KLHL35: variants seen among roughly 807,000 people sequenced by gnomAD.
The protein encoded by KLHL35 is kelch-like protein 35.
Under a neutral mutation model 44.0 loss-of-function variants are expected in KLHL35, and 50 were observed. The ratio of observed to expected loss-of-function variants is 1.14; its 90% CI spans 0.91 to 1.44. The LOEUF (loss-of-function observed/expected upper bound fraction) is 1.44, where lower values mean the gene tolerates loss of function less well. KLHL35 is among the 40% of genes most tolerant of loss of function. KLHL35 has a pLI of 0.00. For synonymous variants in KLHL35, 470 were observed against 410.4 expected (o/e 1.15, Z -1.76); for missense variants, 1,049 against 887.8 (o/e 1.18, Z -2.31).
At chr11:75,431,197 C>T (rs1948534684) in intron 1 of KLHL35, among the ~76,000 whole-genome samples, 1 of 152,198 alleles carries the variant, frequency 6.6e-6, no homozygotes, top group African/African-American at 2.4e-5. Context: ...AATAACTCCA[C>T]CGCCCTCTGC....
rs1203961340 is a variant in KLHL35, at chr11:75,430,297, G to C, written c.333C>G (p.Tyr111Ter). Residue 111 changes from tyrosine (Y) to a stop codon, truncating the protein, a stop_gained, in exon 2 of 7, where the codon TAC becomes TAG. Transcript: ENST00000539798. LOFTEE classifies it high-confidence loss of function. ...CCGCGCGCAGCCGCACGCCCGCTCC[G>C]TACACGTAGTCGAGCACCACGGCCA... ...AALAVVLDYV[Y>*]GAGVRLRAED... 4.1e-6 allele frequency: 5 copies of C among 1,231,644 alleles called. No individual in the cohort carries two copies. Among genetic ancestry groups the C allele is most frequent in the Non-Finnish European group, 5.1e-6 (5 of 989,168 alleles). The allele number at this position is 1,231,644 out of a possible 1,614,324, so 76.3% of individuals were successfully genotyped here. A position where few individuals can be genotyped will look rare whatever the true frequency, so the allele number is the denominator to read the frequency against.
intron 1 of KLHL35, among the ~76,000 whole-genome samples, chr11:75,432,690 C>T (rs1392846506): frequency 6.6e-6 from 1 of 152,162 alleles, no homozygotes; most frequent in Non-Finnish European, 1.5e-5. Context: ...GCTGGGCACT[C>T]TGGACACACA....
rs908364676 is a variant in KLHL35 at position 75,426,626 on chromosome 11, T to TTGA, written c.1076_1078dup (p.Ile359dup). The TTGA allele has an allele frequency of 4.4e-6, 7 of 1,594,262 alleles. No individual in the cohort carries two copies. The African/African-American group carries it at 9.4e-5, about 21-fold the overall frequency. On this transcript the variant is annotated inframe_insertion, in exon 4 of 7. Transcript: ENST00000539798. Reference sequence around the variant, plus strand: ...GCTAAACATCCACACATCATGACTGTTGATGTGGCCTCCTAGGGAGAGAGA... The same window carrying TTGA: ...GCTAAACATCCACACATCATGACTGTTGATGATGTGGCCTCCTAGGGAGAGAGA...
At chr11:75,422,896 C>G in intron 6 of KLHL35, 128 bp from the exon 7 acceptor site, 1 of 824,980 alleles carries the variant, frequency 1.2e-6, no homozygotes, top group Non-Finnish European at 1.9e-6. Flanking sequence ...TGTAGAGAGG[C>G]AGGAAACTGG....
intron 2 of KLHL35, among the ~76,000 whole-genome samples, chr11:75,429,124 C>A (rs1162706578): frequency 6.6e-6 from 1 of 152,234 alleles, no homozygotes; most frequent in Non-Finnish European, 1.5e-5. Context: ...ATCCCCTCAT[C>A]CCTAATTCCA....
chr11:75,426,696 A>G, intron 3 of KLHL35, 58 bp from the exon 4 acceptor site: 1 of 1,215,600 alleles, frequency 8.2e-7, no homozygotes, highest in Non-Finnish European at 1.2e-6. Context: ...AAGCACCCCC[A>G]AAGAGCTAGA....
intron 1 of KLHL35, among the ~76,000 whole-genome samples, chr11:75,432,282 T>TCCAGGG (rs1417136898): frequency 6.6e-6 from 1 of 152,176 alleles, no homozygotes; most frequent in African/African-American, 2.4e-5. Context: ...GCCCTGGTCA[T>TCCAGGG]CCAGGGCAGC....
Position 75,426,638 on chromosome 11 carries a change from C to G in KLHL35, c.1067G>C (p.Gly356Ala), listed in dbSNP as rs368550131. The G allele has an allele frequency of 7.6e-6, 12 of 1,581,034 alleles. No individual in the cohort carries two copies. Among genetic ancestry groups the G allele is most frequent in the Non-Finnish European group, 8.6e-6 (10 of 1,163,768 alleles). Residue 356 changes from glycine (G) to alanine (A), a missense_variant and splice_region_variant, in exon 4 of 7, where the codon GGA becomes GCA. Gly to Ala is a moderately conservative substitution (Grantham distance 60). Coordinates refer to ENST00000539798, the MANE Select transcript of KLHL35 (RefSeq NM_001039548.3). ...CACATCATGACTGTTGATGTGGCCT[C>G]CTAGGGAGAGAGAAGCAGCTGTTGC... ...CALRNDVYVS[G>A]GHINSHDVWM...
chr11:75,429,416 C>T (rs1248120443), intron 2 of KLHL35, among the ~76,000 whole-genome samples: 1 of 152,176 alleles, frequency 6.6e-6, no homozygotes, highest in Non-Finnish European at 1.5e-5. Context: ...TATTTCTATC[C>T]CTCATTAGAC....
chr11:75,430,116 C>A lies in KLHL35; in HGVS notation c.514G>T (p.Glu172Ter). 1 of 1,280,166 alleles carries A rather than the reference C, an allele frequency of 7.8e-7. No individual in the cohort carries two copies. The highest frequency in any genetic ancestry group is 2.4e-5 in the South Asian group (1 of 41,180). The allele number at this position is 1,280,166 out of a possible 1,614,324, so 79.3% of individuals were successfully genotyped here. ...AAAFSLAPLA[E>*]RCGRVLRQAF... is the part of the protein sequence containing the mutation. ...TGACGCAGGACGCGGCCGCAGCGCT[C>A]GGCCAGCGGGGCCAGCGAGAAGGCG... is the stretch of plus-strand genomic sequence containing the variant. Residue 172 changes from glutamate (E) to a stop codon, truncating the protein, a stop_gained, in exon 2 of 7, where the codon GAG becomes TAG. Coordinates refer to ENST00000539798, the MANE Select transcript of KLHL35 (RefSeq NM_001039548.3). LOFTEE classifies it high-confidence loss of function.
chr11:75,429,942 C>T lies in KLHL35; in HGVS notation c.688G>A (p.Ala230Thr). ...AMRWVRHDAP[A>T]RRGQLRRLLE... The stretch of plus-strand genomic sequence containing the variant: ...AGGCGTCGCAGCTGGCCGCGGCGGG[C>T]CGGCGCGTCGTGGCGCACCCAGCGC... The change falls in exon 2 of 7, where the codon GCC (alanine) becomes ACC (threonine). Residue 230 changes from alanine (A) to threonine (T), a missense_variant. By Grantham distance (58) the Ala-to-Thr change is moderately conservative. Coordinates refer to ENST00000539798, the MANE Select transcript of KLHL35 (RefSeq NM_001039548.3). 1 of 1,455,898 alleles carries T rather than the reference C, an allele frequency of 6.9e-7. No homozygotes were observed. The highest frequency in any genetic ancestry group is 9.0e-7 in the Non-Finnish European group (1 of 1,113,696). The allele number at this position is 1,455,898 out of a possible 1,614,324, so 90.2% of individuals were successfully genotyped here.
chr11:75,426,919 G>C (rs527321482), intron 3 of KLHL35: 2 of 313,552 alleles, frequency 6.4e-6, no homozygotes, highest in East Asian at 6.3e-5. Context: ...TGGTGTGCCA[G>C]GCTCTGTGCT....
chr11:75,428,656 G>C, intron 2 of KLHL35, 30 bp from the exon 3 acceptor site: 1 of 1,533,782 alleles, frequency 6.5e-7, no homozygotes. Flanking sequence ...AGTGCCTGTT[G>C]GGCCGCACCC....
At chr11:75,426,399 C>CT (rs1948492643) in intron 4 of KLHL35, 121 bp downstream of exon 4, 1 of 602,506 alleles carries the variant, frequency 1.7e-6, no homozygotes, top group African/African-American at 1.9e-5. Flanking sequence ...TTGGACAAGT[C>CT]TCCTTTTTTG....
Position 75,423,718 on chromosome 11 carries a change from C to T in KLHL35, c.1537G>A (p.Glu513Lys). 6.2e-7 allele frequency: 1 copy of T among 1,613,692 alleles called. No homozygotes were observed. The change falls in exon 6 of 7, where the codon GAG becomes AAG. Residue 513 changes from glutamate to lysine, a missense_variant. Glu to Lys is a moderately conservative substitution (Grantham distance 56). Transcript: ENST00000539798. ...ACAGGGCTGGGGAGGACAGCTGCCT[C>T]CCCCCACACATCTGTGCCTGGATCA... is the stretch of plus-strand genomic sequence containing the variant. ...TYDPGTDVWG[E>K]AAVLPSPVES... is the part of the protein sequence containing the mutation.
intron 3 of KLHL35, 179 bp from the exon 4 acceptor site, chr11:75,426,817 G>A (rs747495389): frequency 2.0e-6 from 1 of 503,920 alleles, no homozygotes; most frequent in Non-Finnish European, 3.6e-6. Context: ...ATAAGTGGTG[G>A]GAATGTCTGA....
At position 75,428,618 on chromosome 11, in the gene KLHL35, T is replaced by C. The variant is rs1312433029; in HGVS notation, c.890A>G (p.Asp297Gly). 1 of 1,587,354 alleles carries C rather than the reference T, an allele frequency of 6.3e-7. No homozygotes were observed. ...GATGACCACGATCACTTCAGCTAGG[T>C]CCATGAATCTGGCGTGCGGATAAGC... The part of the protein sequence containing the change: ...ALRTRPRRFM[D>G]LAEVIVVIGG... The change falls in exon 3 of 7, where the codon GAC (aspartate) becomes GGC (glycine). Residue 297 changes from aspartate to glycine, a missense_variant. By Grantham distance (94) the Asp-to-Gly change is moderately conservative. Coordinates refer to ENST00000539798, the MANE Select transcript of KLHL35 (RefSeq NM_001039548.3).
Position 75,433,179 on chromosome 11 carries a change from C to T in KLHL35, c.-138G>A, listed in dbSNP as rs1202122557. The stretch of plus-strand genomic sequence containing the variant: ...TCTGCCCAGACTCCCGTTTGCTGTT[C>T]GCTCGGGCTCAGCTGCGGGAGGACA... On this transcript the variant is annotated 5_prime_UTR_variant, in exon 1 of 7. Coordinates refer to ENST00000539798, the MANE Select transcript of KLHL35 (RefSeq NM_001039548.3). Among the ~76,000 whole-genome samples, 2 of 152,138 alleles carry T rather than the reference C, an allele frequency of 1.3e-5. No individual in the cohort carries two copies. Among genetic ancestry groups the T allele is most frequent in the African/African-American group, 2.4e-5 (1 of 41,416 alleles).
chr11:75,425,924 T>G (rs1948487478), intron 4 of KLHL35: 1 of 279,390 alleles, frequency 3.6e-6, no homozygotes, highest in African/African-American at 2.2e-5. Context: ...TCTTTGTTTC[T>G]GAATTCGGGA....
Sources: allele counts gnomAD v4.1 joint callset (sites outside exome capture counted in the v4.1 genomes callset), GRCh38; gene constraint gnomAD v4.1.1; transcripts MANE v1.5; gene names NCBI Gene and HGNC (gene_info 2026-07-23, HGNC 2026-07-21).